NUDCD3: variants seen among roughly 807,000 people sequenced by gnomAD.
NUDCD3 encodes the protein NudC domain containing 3.
NUDCD3 carries 13 observed loss-of-function variants against 39.7 expected under a neutral mutation model. The ratio of observed to expected loss-of-function variants is 0.33; its 90% CI spans 0.21 to 0.52. The LOEUF is 0.52. Ranked by LOEUF, NUDCD3 falls within the 20% of genes least tolerant of loss-of-function variation. The pLI is 0.96. For missense variants in NUDCD3, 453 were observed against 458.1 expected (o/e 0.99, Z 0.10); for synonymous variants, 175 against 172.4 (o/e 1.02, Z -0.12).
chr7:44,436,834 T>C (rs1250811882), intron 2 of NUDCD3, among the ~76,000 whole-genome samples: 1 of 152,198 alleles, frequency 6.6e-6, no homozygotes, highest in East Asian at 1.9e-4. Flanking sequence ...AGTTTACAAA[T>C]TCTTTCTAGT....
intron 2 of NUDCD3, chr7:44,468,344 A>ACC: frequency 8.1e-7 from 1 of 1,235,628 alleles, no homozygotes; most frequent in Non-Finnish European, 1.1e-6. Context: ...TAAATGTAAA[A>ACC]ACTGCAAAAA....
At chr7:44,390,166 A>T (rs1045771016) in intron 5 of NUDCD3, among the ~76,000 whole-genome samples, 1 of 152,074 alleles carries the variant, frequency 6.6e-6, no homozygotes, top group Admixed American at 6.5e-5. Flanking sequence ...GGAGTTCGAG[A>T]CCAGCCTGGC....
intron 2 of NUDCD3, among the ~76,000 whole-genome samples, chr7:44,451,570 G>A (rs1055159137): frequency 1.3e-5 from 2 of 152,074 alleles, no homozygotes; most frequent in African/African-American, 4.8e-5. Context: ...TACAATTCTA[G>A]GAAATATAAT....
At chr7:44,420,463 A>G (rs1677386069) in intron 3 of NUDCD3, among the ~76,000 whole-genome samples, 2 of 152,348 alleles carry the variant, frequency 1.3e-5, no homozygotes, top group Admixed American at 1.3e-4. Context: ...CAACCTAGCA[A>G]GACAGGCCAA....
chr7:44,446,442 T>C (rs958018598), intron 2 of NUDCD3, among the ~76,000 whole-genome samples: 2 of 152,238 alleles, frequency 1.3e-5, no homozygotes, highest in African/African-American at 4.8e-5. Flanking sequence ...ATTTTAGCTG[T>C]GAACAGAATG....
Position 44,383,084 on chromosome 7 carries a change from G to A in NUDCD3, c.*2927C>T, listed in dbSNP as rs966184121. 6.6e-6 allele frequency: 1 copy of A among 152,494 alleles called. No individual in the cohort carries two copies. The highest frequency in any genetic ancestry group is 2.4e-5 in the African/African-American group (1 of 41,470). 9.4% of individuals were successfully genotyped at this position (152,494 alleles called of 1,614,324 possible). On this transcript the variant is annotated 3_prime_UTR_variant, in exon 6 of 6. Transcript: ENST00000355451. ...GGTCAGAGGAGGCTGGAGATGGGGT[G>A]GGCACAGAGAAGGAGAGTCAAAGAT...
intron 1 of NUDCD3, 160 bp downstream of exon 1, chr7:44,490,249 C>T: frequency 1.5e-6 from 1 of 687,616 alleles, no homozygotes; most frequent in Non-Finnish European, 2.3e-6. Context: ...AAGCTGACAT[C>T]CAATCCGCGC....
At chr7:44,428,129 A>C (rs1377607328) in intron 2 of NUDCD3, among the ~76,000 whole-genome samples, 1 of 146,922 alleles carries the variant, frequency 6.8e-6, no homozygotes, top group Admixed American at 6.8e-5. Flanking sequence ...TCTTTAAAAA[A>C]AAAAAAAAAA....
chr7:44,479,909 A>G (rs1351362860), intron 2 of NUDCD3, among the ~76,000 whole-genome samples: 1 of 152,230 alleles, frequency 6.6e-6, no homozygotes, highest in Non-Finnish European at 1.5e-5. Context: ...CTAAAACACT[A>G]CATTTCAGGT....
chr7:44,482,855 G>C (rs1800519349), intron 2 of NUDCD3, among the ~76,000 whole-genome samples: 1 of 152,124 alleles, frequency 6.6e-6, no homozygotes, highest in African/African-American at 2.4e-5. Flanking sequence ...TAAGTATATT[G>C]AAGGATTTAA....
rs185572282 is a variant in NUDCD3 at position 44,399,947 on chromosome 7, G to A, written c.786+4493C>T. ...CACTGATTTTAAATGACTTGTGTGC[G>A]CACCACGTCAATACATGAAGAAGTG... On this transcript the variant is annotated intron_variant, in intron 4 of 5. Transcript: ENST00000355451. Among the ~76,000 whole-genome samples the A allele has an allele frequency of 4.5e-4, 69 of 152,284 alleles. No homozygotes were observed. The South Asian group carries it at 5.4e-3, about 12-fold the overall frequency.
At position 44,392,470 on chromosome 7, in the gene NUDCD3, C is replaced by T. The variant is rs751357483; in HGVS notation, c.802G>A (p.Val268Met). ...ATGGCGTTCCACCAATACTCGCCCA[C>T]CTTGCTCAGGTTCACCTGGGGACAA... ...GKCVLVNLSKVGEYWWNAILE... is the reference protein window; with the variant it reads ...GKCVLVNLSKMGEYWWNAILE... The change falls in exon 5 of 6, where the codon GTG (valine) becomes ATG (methionine). Residue 268 changes from valine to methionine, a missense_variant. By Grantham distance (21) the Val-to-Met change is conservative (BLOSUM62 1). Coordinates refer to ENST00000355451, the MANE Select transcript of NUDCD3 (RefSeq NM_015332.4). 2 of 1,613,900 alleles carry T rather than the reference C, an allele frequency of 1.2e-6. No homozygotes were observed. The highest frequency in any genetic ancestry group is 2.7e-5 in the African/African-American group (2 of 74,928).
rs1350613588 is a variant in NUDCD3, at chr7:44,445,196, T to A, written c.510-17493A>T. Among the ~76,000 whole-genome samples the A allele has an allele frequency of 3.3e-5, 5 of 152,212 alleles. No homozygotes were observed. In the East Asian group the frequency reaches 9.6e-4, roughly 29 times the overall value. On this transcript the variant is annotated intron_variant, in intron 2 of 5. Coordinates refer to ENST00000355451, the MANE Select transcript of NUDCD3 (RefSeq NM_015332.4). ...ATCTTCCGCACATGCACCCCTGAAC[T>A]GCAACAGCTGCCTGGTATGTATCCT...
Position 44,381,334 on chromosome 7 carries a change from C to A in NUDCD3, c.*4677G>T, listed in dbSNP as rs184034339. On this transcript the variant is annotated 3_prime_UTR_variant, in exon 6 of 6. Transcript: ENST00000355451. ...GGCATGGCCAGGACTGTACCTGGGG[C>A]AGATGGTCTTGCTCTTTGGTTCTGG... 5 of 152,390 alleles carry A rather than the reference C, an allele frequency of 3.3e-5. No homozygotes were observed. In the East Asian group the frequency reaches 9.6e-4, roughly 29 times the overall value. 9.4% of individuals were successfully genotyped at this position (152,390 alleles called of 1,614,324 possible).
In NUDCD3 at chr7:44,382,464, G is replaced by A. The variant is rs1041895027; in HGVS notation, c.*3547C>T. Reference sequence around the variant, plus strand: ...CACACTGTCCTCACCAGGACTGGCAGGGGAAGCCCCAGGGCTTTGTGACCC... The same window carrying A: ...CACACTGTCCTCACCAGGACTGGCAAGGGAAGCCCCAGGGCTTTGTGACCC... On this transcript the variant is annotated 3_prime_UTR_variant, in exon 6 of 6. Transcript: ENST00000355451. 1.3e-5 allele frequency: 2 copies of A among 152,240 alleles called. No individual in the cohort carries two copies. Among genetic ancestry groups the A allele is most frequent in the African/African-American group, 4.8e-5 (2 of 41,462 alleles). The allele number at this position is 152,240 out of a possible 1,614,324, so 9.4% of individuals were successfully genotyped here.
chr7:44,426,904 A>G (rs1256688711), intron 3 of NUDCD3, among the ~76,000 whole-genome samples: 1 of 152,020 alleles, frequency 6.6e-6, no homozygotes, highest in East Asian at 1.9e-4. Flanking sequence ...TTGCCCTGAG[A>G]GAACTGCAGA....
At chr7:44,468,682 C>T (rs1245947134) in intron 2 of NUDCD3, among the ~76,000 whole-genome samples, 1 of 152,174 alleles carries the variant, frequency 6.6e-6, no homozygotes, top group East Asian at 1.9e-4. Context: ...CAGCTCTTGG[C>T]TTGTAATCTC....
At chr7:44,441,605 C>A (rs574724851) in intron 2 of NUDCD3, among the ~76,000 whole-genome samples, 120 of 152,282 alleles carry the variant, frequency 7.9e-4, no homozygotes, top group African/African-American at 2.9e-3. Context: ...ACCCTCGCAG[C>A]TAGGACTACC....
At chr7:44,457,028 A>T (rs1400707743) in intron 2 of NUDCD3, among the ~76,000 whole-genome samples, 1 of 129,388 alleles carries the variant, frequency 7.7e-6, no homozygotes, top group African/African-American at 3.8e-5. Flanking sequence ...TAACCTGGTT[A>T]AAAAAAAAAA....
Sources: allele counts gnomAD v4.1 joint callset (sites outside exome capture counted in the v4.1 genomes callset), GRCh38; gene constraint gnomAD v4.1.1; transcripts MANE v1.5; gene names NCBI Gene and HGNC (gene_info 2026-07-23, HGNC 2026-07-21).